ARHGAP22: variants seen among roughly 807,000 people sequenced by gnomAD.
The protein encoded by ARHGAP22 is Rho GTPase activating protein 22.
Under a neutral mutation model 59.1 loss-of-function variants are expected in ARHGAP22, and 48 were observed. That is an observed-to-expected ratio of 0.81 (90% CI 0.64 to 1.03). ARHGAP22 has a LOEUF of 1.03. Among genes scored for constraint, ARHGAP22 ranks in the 50% least tolerant of loss-of-function variants. The probability of loss-of-function intolerance (pLI) is 0.00; values close to 1 mark genes in which losing one functional copy is unlikely to be tolerated. For missense variants in ARHGAP22, 1,015 were observed against 958.7 expected (o/e 1.06, Z -0.78); for synonymous variants, 445 against 416.4 (o/e 1.07, Z -0.84).
Position 48,555,477 on chromosome 10 carries a change from A to T in ARHGAP22, c.308T>A (p.Phe103Tyr). 2 of 1,614,082 alleles carry T rather than the reference A, an allele frequency of 1.2e-6. No homozygotes were observed. The highest frequency in any genetic ancestry group is 2.2e-5 in the South Asian group (2 of 91,068). Reference sequence around the variant, plus strand: ...CTCAGGCCTACCTGGGCTGATCTCAAAGAGGTGCTTCCCTGGGTCCTCGGG... The same window carrying T: ...CTCAGGCCTACCTGGGCTGATCTCATAGAGGTGCTTCCCTGGGTCCTCGGG... ...PGPEDPGKHLFEISPGGAGER... is the reference protein window; with the variant it reads ...PGPEDPGKHLYEISPGGAGER... The change falls in exon 3 of 10, where the codon TTT becomes TAT. Residue 103 changes from phenylalanine (F) to tyrosine (Y), a missense_variant. By Grantham distance (22) the Phe-to-Tyr change is conservative. Coordinates refer to ENST00000249601, the MANE Select transcript of ARHGAP22 (RefSeq NM_021226.4).
At chr10:48,506,928 T>C (rs1423325873) in intron 3 of ARHGAP22, among the ~76,000 whole-genome samples, 1 of 152,188 alleles carries the variant, frequency 6.6e-6, no homozygotes, top group African/African-American at 2.4e-5. Flanking sequence ...AGACTCTTAG[T>C]TCAGCGCTAT....
intron 2 of ARHGAP22, among the ~76,000 whole-genome samples, chr10:48,570,744 T>C (rs1176295943): frequency 6.6e-6 from 1 of 152,184 alleles, no homozygotes. Flanking sequence ...ATGAGATCCA[T>C]GAGTGACCCT....
chr10:48,640,628 A>G (rs1367429207), intron 1 of ARHGAP22, among the ~76,000 whole-genome samples: 2 of 152,238 alleles, frequency 1.3e-5, no homozygotes, highest in African/African-American at 4.8e-5. Context: ...ATCAAAAAAT[A>G]TATCCTTCAA....
At chr10:48,474,359 C>G (rs11101340) in intron 4 of ARHGAP22, among the ~76,000 whole-genome samples, 1 of 151,950 alleles carries the variant, frequency 6.6e-6, no homozygotes, top group Non-Finnish European at 1.5e-5. Flanking sequence ...ACTTTCTGTA[C>G]ACAAGATCAC....
the ARHGAP22 span, chr10:48,431,060 T>A: frequency 1.0e-5 from 7 of 672,516 alleles, no homozygotes; most frequent in Non-Finnish European, 1.9e-5. Flanking sequence ...AGGCCGACAT[T>A]TAACTGACTG....
At chr10:48,623,186 C>T (rs1357696535) in intron 1 of ARHGAP22, among the ~76,000 whole-genome samples, 2 of 152,194 alleles carry the variant, frequency 1.3e-5, no homozygotes, top group Non-Finnish European at 2.9e-5. Flanking sequence ...CATTATCCTC[C>T]TGCCTTTAAC....
chr10:48,465,384 A>G (rs2047552918), intron 4 of ARHGAP22, among the ~76,000 whole-genome samples: 1 of 152,242 alleles, frequency 6.6e-6, no homozygotes, highest in African/African-American at 2.4e-5. Flanking sequence ...GCCCAGGCAG[A>G]GCAGTCCGCT....
At chr10:48,447,688 C>T (rs1269678783) in intron 9 of ARHGAP22, among the ~76,000 whole-genome samples, 2 of 152,108 alleles carry the variant, frequency 1.3e-5, no homozygotes, top group African/African-American at 4.8e-5. Flanking sequence ...AGACTCCAAG[C>T]CCCAACTACA....
At chr10:48,654,147 T>G (rs2062666036), upstream of ARHGAP22, among the ~76,000 whole-genome samples, 1 of 152,222 alleles carries the variant, frequency 6.6e-6, no homozygotes, top group African/African-American at 2.4e-5. Flanking sequence ...TAATATGGAC[T>G]TCAGGCATGG....
At chr10:48,497,788 G>A (rs1430061770) in intron 3 of ARHGAP22, among the ~76,000 whole-genome samples, 1 of 152,150 alleles carries the variant, frequency 6.6e-6, no homozygotes, top group Non-Finnish European at 1.5e-5. Flanking sequence ...AGGCCCAGGG[G>A]CTCAATAAAC....
chr10:48,470,131 G>A (rs1008337209), intron 4 of ARHGAP22, among the ~76,000 whole-genome samples: 1 of 152,212 alleles, frequency 6.6e-6, no homozygotes, highest in African/African-American at 2.4e-5. Flanking sequence ...CTCTTTTCTG[G>A]TTCTGTGATC....
chr10:48,651,008 C>T (rs1273316578), intron 1 of ARHGAP22, among the ~76,000 whole-genome samples: 1 of 152,190 alleles, frequency 6.6e-6, no homozygotes, highest in Non-Finnish European at 1.5e-5. Flanking sequence ...CTACTCAGAC[C>T]ACAGAAAAGG....
chr10:48,549,526 G>C (rs925652084), intron 3 of ARHGAP22, among the ~76,000 whole-genome samples: 1 of 152,058 alleles, frequency 6.6e-6, no homozygotes, highest in African/African-American at 2.4e-5. Context: ...CCTCTTTCCC[G>C]ACCCTGTCCA....
intron 1 of ARHGAP22, among the ~76,000 whole-genome samples, chr10:48,589,038 G>C (rs189613996): frequency 8.5e-4 from 129 of 152,272 alleles, no homozygotes; most frequent in African/African-American, 2.8e-3. Context: ...CGTGTGCCGA[G>C]GGGCCGCTGT....
At chr10:48,634,395 G>C (rs2061733071) in intron 1 of ARHGAP22, among the ~76,000 whole-genome samples, 1 of 152,238 alleles carries the variant, frequency 6.6e-6, no homozygotes. Context: ...TGGGTGCAGA[G>C]GGCGGTGAGC....
chr10:48,463,713 C>T (rs1000934907), intron 4 of ARHGAP22, among the ~76,000 whole-genome samples: 2 of 152,208 alleles, frequency 1.3e-5, no homozygotes, highest in South Asian at 2.1e-4. Flanking sequence ...AGCTTTCCCT[C>T]CCCTCTGTCA....
At chr10:48,462,379 G>A (rs1212964787) in intron 4 of ARHGAP22, among the ~76,000 whole-genome samples, 4 of 152,276 alleles carry the variant, frequency 2.6e-5, no homozygotes, top group Admixed American at 2.0e-4. Flanking sequence ...CTTAGGGACT[G>A]TCACTATCAC....
At chr10:48,433,752 T>C in the ARHGAP22 span, among the ~76,000 whole-genome samples, 1 of 152,194 alleles carries the variant, frequency 6.6e-6, no homozygotes, top group South Asian at 2.1e-4. Context: ...GTTTCATTGC[T>C]CATCTGGACA....
chr10:48,450,543 C>A lies in ARHGAP22; in HGVS notation c.1586G>T (p.Cys529Phe), dbSNP rs1258623091. The A allele has an allele frequency of 6.6e-7, 1 of 1,520,270 alleles. No homozygotes were observed. Among genetic ancestry groups the A allele is most frequent in the Non-Finnish European group, 8.8e-7 (1 of 1,134,418 alleles). 94.2% of individuals were successfully genotyped at this position (1,520,270 alleles called of 1,614,324 possible). A position where few individuals can be genotyped will look rare whatever the true frequency, so the allele number is the denominator to read the frequency against. Reference sequence around the variant, plus strand: ...CGAGTCGCTGGCGCGGCAGGCCGTGCAGCTGCTGAGTGAGCCCCCCACCGA... The same window carrying A: ...CGAGTCGCTGGCGCGGCAGGCCGTGAAGCTGCTGAGTGAGCCCCCCACCGA... ...ESSVGGSLSS[C>F]TACRASDSSA... The change falls in exon 9 of 10, where the codon TGC becomes TTC. Residue 529 changes from cysteine to phenylalanine, a missense_variant. Coordinates refer to ENST00000249601, the MANE Select transcript of ARHGAP22 (RefSeq NM_021226.4).
Sources: allele counts gnomAD v4.1 joint callset (sites outside exome capture counted in the v4.1 genomes callset), GRCh38; gene constraint gnomAD v4.1.1; transcripts MANE v1.5; gene names NCBI Gene and HGNC (gene_info 2026-07-23, HGNC 2026-07-21).